KDM5B: variants seen among roughly 807,000 people sequenced by gnomAD.
KDM5B encodes lysine-specific demethylase 5B.
A neutral mutation model predicts 193.4 loss-of-function variants in KDM5B; 144 were observed. The ratio of observed to expected loss-of-function variants is 0.74; its 90% CI spans 0.65 to 0.86. KDM5B has a LOEUF of 0.86. Among genes scored for constraint, KDM5B ranks in the 40% least tolerant of loss-of-function variants. KDM5B has a pLI of 0.00. For synonymous variants in KDM5B, 668 were observed against 682.6 expected, an observed-to-expected ratio of 0.98 and a Z score of 0.33; for missense variants, 1,833 against 1,886.9, an observed-to-expected ratio of 0.97 and a Z score of 0.53.
At chr1:202,805,300 C>A (rs1658245668) in intron 1 of KDM5B, among the ~76,000 whole-genome samples, 3 of 152,202 alleles carry the variant, frequency 2.0e-5, no homozygotes, top group Admixed American at 1.3e-4. Context: ...TTGACTTAAT[C>A]ACGTTTTCTC....
chr1:202,775,601 A>C (rs976224005), intron 2 of KDM5B, among the ~76,000 whole-genome samples: 4 of 151,096 alleles, frequency 2.6e-5, no homozygotes, highest in African/African-American at 9.7e-5. Flanking sequence ...CACACCTGTA[A>C]TCCCAGCACT....
rs370254928 is a variant in KDM5B at position 202,733,737 on chromosome 1, T to A, written c.3573A>T (p.Gln1191His). Residue 1191 changes from glutamine to histidine, a missense_variant, in exon 23 of 27, where the codon CAA (glutamine) becomes CAT (histidine). By Grantham distance (24) the Gln-to-His change is conservative. Around this residue, in one of 3 missense-constraint regions of KDM5B, gnomAD observed 1,379 missense variants for 1,349.6 expected, o/e 1.02. Transcript: ENST00000367265. Reference protein sequence around the residue: ...CQKAPAAPMIQCELCRDAFHT... With the variant: ...CQKAPAAPMIHCELCRDAFHT... The stretch of plus-strand genomic sequence containing the variant: ...GGAAAGCATCCCTGCAGAGTTCACA[T>A]TGAATCATAGGGGCAGCTGGGGCCT... 4 of 1,614,114 alleles carry A rather than the reference T, an allele frequency of 2.5e-6. No individual in the cohort carries two copies. Among genetic ancestry groups the A allele is most frequent in the Non-Finnish European group, 2.5e-6 (3 of 1,180,004 alleles).
rs769734091 is a variant in KDM5B, at chr1:202,758,387, A to C, written c.1197+4T>G. ...CTAAATCAAAGCAGTATATATGTAC[A>C]TACATGGACTGGCATGTTGAAGTAA... On this transcript the variant is annotated splice_donor_region_variant and intron_variant, in intron 9 of 26. Coordinates refer to ENST00000367265, the MANE Select transcript of KDM5B (RefSeq NM_006618.5). 6.2e-7 allele frequency: 1 copy of C among 1,608,028 alleles called. No individual in the cohort carries two copies. Among genetic ancestry groups the C allele is most frequent in the African/African-American group, 1.3e-5 (1 of 74,972 alleles).
chr1:202,743,783 T>C (rs930334018), intron 16 of KDM5B, among the ~76,000 whole-genome samples: 2 of 152,196 alleles, frequency 1.3e-5, no homozygotes, highest in Non-Finnish European at 2.9e-5. Flanking sequence ...GAATAACAGC[T>C]AGCCATATGC....
chr1:202,759,355 C>T (rs531832533), intron 8 of KDM5B, among the ~76,000 whole-genome samples: 133 of 152,040 alleles, frequency 8.7e-4, no homozygotes, highest in Non-Finnish European at 1.8e-3. Flanking sequence ...GCATGGACAA[C>T]GTGGCAAAAC....
At chr1:202,746,537 G>T (rs1655568722) in intron 14 of KDM5B, 1 of 450,124 alleles carries the variant, frequency 2.2e-6, no homozygotes, top group Non-Finnish European at 3.9e-6. Context: ...TTCAGACAAG[G>T]CAGGTCCTTA....
chr1:202,728,268 G>A lies in KDM5B; in HGVS notation c.*768C>T, dbSNP rs986638372. 6.6e-6 allele frequency: 1 copy of A among 152,542 alleles called. No individual in the cohort carries two copies. Among genetic ancestry groups the A allele is most frequent in the Non-Finnish European group, 1.5e-5 (1 of 68,052 alleles). The allele number at this position is 152,542 out of a possible 1,614,324, so 9.4% of individuals were successfully genotyped here. ...TTTGATACAAGCTACCAAAAAATAGGGGAGAAAGGAAGGGACAGGGAGAAA... is the reference window on the plus strand; with the variant it reads ...TTTGATACAAGCTACCAAAAAATAGAGGAGAAAGGAAGGGACAGGGAGAAA... On this transcript the variant is annotated 3_prime_UTR_variant, in exon 27 of 27. Transcript: ENST00000367265.
At chr1:202,748,848 G>A (rs1572722382) in intron 14 of KDM5B, 97 bp downstream of exon 14, 2 of 981,124 alleles carry the variant, frequency 2.0e-6, no homozygotes, top group East Asian at 4.9e-5. Flanking sequence ...AAGAAAATAG[G>A]CTTTAAAAAG....
chr1:202,792,025 A>G (rs1050296189), intron 1 of KDM5B, among the ~76,000 whole-genome samples: 3 of 152,184 alleles, frequency 2.0e-5, no homozygotes, highest in Admixed American at 1.3e-4. Flanking sequence ...ACTTACTGAC[A>G]TATCAATAAT....
intron 1 of KDM5B, among the ~76,000 whole-genome samples, chr1:202,782,028 T>G (rs548858739): frequency 6.6e-6 from 1 of 152,206 alleles, no homozygotes; most frequent in South Asian, 2.1e-4. Flanking sequence ...TATTTTAGCA[T>G]AAAGCTAAAA....
chr1:202,731,904 C>G lies in KDM5B; in HGVS notation c.3945G>C (p.Leu1315Phe). ...AGGTTCTGTTGTCCCAGTCATCAGGCAAAGAAAATGATGTTGTGCCAGGAG... is the reference window on the plus strand; with the variant it reads ...AGGTTCTGTTGTCCCAGTCATCAGGGAAAGAAAATGATGTTGTGCCAGGAG... ...SQPPGTTSFS[L>F]PDDWDNRTSY... The change falls in exon 24 of 27, where the codon TTG becomes TTC. Residue 1315 changes from leucine to phenylalanine, a missense_variant. This residue lies in a region of KDM5B where 1,379 missense variants were observed against 1,349.6 expected (regional missense o/e 1.02). Coordinates refer to ENST00000367265, the MANE Select transcript of KDM5B (RefSeq NM_006618.5). 6.2e-7 allele frequency: 1 copy of G among 1,613,056 alleles called. No homozygotes were observed. Among genetic ancestry groups the G allele is most frequent in the East Asian group, 2.2e-5 (1 of 44,844 alleles).
At chr1:202,740,863 T>G (rs757041492) in intron 19 of KDM5B, 51 bp from the exon 20 acceptor site, 23 of 1,530,130 alleles carry the variant, frequency 1.5e-5, no homozygotes, top group Non-Finnish European at 2.0e-5. Context: ...TGGTTCATTT[T>G]TCTTATGGTT....
At chr1:202,800,693 G>A (rs1658037308) in intron 1 of KDM5B, among the ~76,000 whole-genome samples, 1 of 152,094 alleles carries the variant, frequency 6.6e-6, no homozygotes, top group Non-Finnish European at 1.5e-5. Context: ...GTTTTGTCAG[G>A]CTAAATACCC....
intron 20 of KDM5B, among the ~76,000 whole-genome samples, chr1:202,738,946 A>T (rs1488751697): frequency 6.6e-6 from 1 of 152,206 alleles, no homozygotes; most frequent in Non-Finnish European, 1.5e-5. Flanking sequence ...GGTGGAAATG[A>T]CTTTGGATAC....
chr1:202,751,607 A>G (rs2102253451), intron 12 of KDM5B, among the ~76,000 whole-genome samples: 1 of 152,260 alleles, frequency 6.6e-6, no homozygotes, highest in South Asian at 2.1e-4. Context: ...CTCCTACTAC[A>G]GATGTCATCT....
intron 7 of KDM5B, 71 bp downstream of exon 7, chr1:202,762,628 A>G (rs564420895): frequency 2.3e-6 from 2 of 864,864 alleles, no homozygotes; most frequent in East Asian, 4.8e-5. Flanking sequence ...ACTTGGGGGT[A>G]AAGGGGATTA....
chr1:202,781,867 G>A (rs1022305296), intron 1 of KDM5B, among the ~76,000 whole-genome samples: 3 of 152,112 alleles, frequency 2.0e-5, no homozygotes, highest in African/African-American at 7.2e-5. Context: ...ACTTACAGGT[G>A]ATATATAATG....
At chr1:202,766,749 C>T (rs11801673) in intron 5 of KDM5B, among the ~76,000 whole-genome samples, 177 bp downstream of exon 5, 137 of 152,228 alleles carry the variant, frequency 9.0e-4, no homozygotes, top group African/African-American at 3.1e-3. Flanking sequence ...GATTCCTTAC[C>T]CCTTTGATGG....
chr1:202,751,099 G>T (rs1396843423), intron 12 of KDM5B, among the ~76,000 whole-genome samples: 1 of 151,964 alleles, frequency 6.6e-6, no homozygotes, highest in Non-Finnish European at 1.5e-5. Flanking sequence ...CCCTCAAGTA[G>T]CATCTTCTAC....
Sources: gnomAD v4.1 joint callset for allele counts (sites outside exome capture counted in the v4.1 genomes callset) on GRCh38, gnomAD v4.1.1 for gene constraint, gnomAD v4.1.1 regional missense constraint, MANE v1.5 for transcripts, NCBI Gene and HGNC (gene_info 2026-07-23, HGNC 2026-07-21) for gene names.